The following TGM2 variants were observed in gnomAD, a reference collection of about 807,000 sequenced individuals.
The protein encoded by TGM2 is protein-glutamine gamma-glutamyltransferase 2.
Under a neutral mutation model 75.6 loss-of-function variants are expected in TGM2, and 53 were observed. The ratio of observed to expected loss-of-function variants is 0.70; its 90% CI spans 0.56 to 0.88. The LOEUF is 0.88. Ranked by LOEUF, TGM2 falls within the 40% of genes least tolerant of loss-of-function variation. TGM2 has a pLI of 0.00. For missense variants in TGM2, 842 were observed against 928.5 expected, an observed-to-expected ratio of 0.91 and a Z score of 1.21; for synonymous variants, 374 against 381.1, an observed-to-expected ratio of 0.98 and a Z score of 0.22.
At chr20:38,154,350 G>A (rs1302959440) in intron 3 of TGM2, among the ~76,000 whole-genome samples, 4 of 152,310 alleles carry the variant, frequency 2.6e-5, no homozygotes, top group East Asian at 1.9e-4. Flanking sequence ...AGGGACACCC[G>A]ATTCCCAGGA....
chr20:38,141,137 T>G (rs898280595), intron 8 of TGM2, 145 bp downstream of exon 8: 98 of 622,356 alleles, frequency 1.6e-4, no homozygotes, highest in Non-Finnish European at 2.6e-4. Context: ...GTTATTAAGA[T>G]GTAAGTGAGG....
chr20:38,161,010 G>A (rs1273117883), intron 2 of TGM2, among the ~76,000 whole-genome samples: 1 of 152,036 alleles, frequency 6.6e-6, no homozygotes, highest in Non-Finnish European at 1.5e-5. Context: ...TCTCCACGTT[G>A]GTCAGGCTGG....
chr20:38,162,090 G>A (rs1490021232), intron 1 of TGM2, among the ~76,000 whole-genome samples: 1 of 152,216 alleles, frequency 6.6e-6, no homozygotes, highest in East Asian at 1.9e-4. Context: ...CAAAGTGCAG[G>A]TGCGAGCCAC....
chr20:38,155,526 G>A (rs147015386), intron 3 of TGM2, among the ~76,000 whole-genome samples: 3 of 151,824 alleles, frequency 2.0e-5, no homozygotes, highest in Non-Finnish European at 2.9e-5. Flanking sequence ...ATTTTTTTTT[G>A]TAGAGACAGG....
intron 2 of TGM2, among the ~76,000 whole-genome samples, chr20:38,158,914 G>T (rs2075220393): frequency 6.6e-6 from 1 of 152,200 alleles, no homozygotes; most frequent in Non-Finnish European, 1.5e-5. Context: ...TGTCCCTCAG[G>T]CTTCTCCGGG....
At chr20:38,142,371 T>C (rs2074986871) in intron 6 of TGM2, among the ~76,000 whole-genome samples, 172 bp from the exon 7 acceptor site, 1 of 152,180 alleles carries the variant, frequency 6.6e-6, no homozygotes, top group Non-Finnish European at 1.5e-5. Flanking sequence ...GGTCACCCCA[T>C]GTCCATTCTA....
At position 38,127,403 on chromosome 20, in the gene TGM2, TTTTGA is replaced by T. The variant is rs1379617590; in HGVS notation, c.*2811_*2815del. ...CAGAACACGTGATGTCATGTTTTTA[TTTTGA>T]TTTATTTTTTATGTGCATGTCATGT... On this transcript the variant is annotated 3_prime_UTR_variant, in exon 13 of 13. Coordinates refer to ENST00000361475, the MANE Select transcript of TGM2 (RefSeq NM_004613.4). The T allele has an allele frequency of 2.0e-6, 2 of 983,328 alleles. No individual in the cohort carries two copies. The highest frequency in any genetic ancestry group is 3.5e-5 in the African/African-American group (2 of 57,198). 60.9% of individuals were successfully genotyped at this position (983,328 alleles called of 1,614,324 possible).
intron 6 of TGM2, among the ~76,000 whole-genome samples, chr20:38,143,460 T>C (rs2122893308): frequency 6.6e-6 from 1 of 152,320 alleles, no homozygotes; most frequent in East Asian, 1.9e-4. Context: ...GGGCCCTGCA[T>C]ACCTGCCAAC....
intron 3 of TGM2, among the ~76,000 whole-genome samples, chr20:38,155,101 C>T (rs898022550): frequency 4.0e-5 from 6 of 151,292 alleles, no homozygotes; most frequent in South Asian, 4.2e-4. Context: ...AGCAAAACTC[C>T]GTCTCAAAAA....
In TGM2 at chr20:38,161,358, T is replaced by A; in HGVS notation, c.190+62A>T. On this transcript the variant is annotated intron_variant, in intron 2 of 12. Coordinates refer to ENST00000361475, the MANE Select transcript of TGM2 (RefSeq NM_004613.4). ...TTCTCTGTCAGGGTTCTGGGGCATG[T>A]CGGGGTGGAGAGGAAGTGGTGGTGG... is the stretch of plus-strand genomic sequence containing the variant. 3 of 1,592,858 alleles carry A rather than the reference T, an allele frequency of 1.9e-6. No individual in the cohort carries two copies. In the South Asian group the frequency reaches 3.4e-5, roughly 18 times the overall value.
Position 38,154,005 on chromosome 20 carries a change from C to T in TGM2, c.433+1842G>A, listed in dbSNP as rs369827544. ...CTAATTTTTGTATTTTTTATAGAGA[C>T]GGTGGGTTTCGCCATGTTGGCCAGG... On this transcript the variant is annotated intron_variant, in intron 3 of 12. Transcript: ENST00000361475. Among the ~76,000 whole-genome samples the T allele has an allele frequency of 3.5e-4, 53 of 152,124 alleles. No homozygotes were observed. In the South Asian group the frequency reaches 9.1e-3, roughly 26 times the overall value.
intron 1 of TGM2, 137 bp from the exon 2 acceptor site, chr20:38,161,736 T>A (rs1377240395): frequency 7.7e-6 from 8 of 1,040,244 alleles, no homozygotes; most frequent in Non-Finnish European, 8.8e-6. Flanking sequence ...GACTGACCTG[T>A]CTCCCCAGCC....
At chr20:38,159,579 G>T (rs1433572450) in intron 2 of TGM2, among the ~76,000 whole-genome samples, 1 of 152,200 alleles carries the variant, frequency 6.6e-6, no homozygotes, top group African/African-American at 2.4e-5. Context: ...ATCACAGGCT[G>T]CCCAAGCCAG....
At chr20:38,143,611 C>A (rs1335696176) in intron 6 of TGM2, among the ~76,000 whole-genome samples, 2 of 147,128 alleles carry the variant, frequency 1.4e-5, no homozygotes, top group African/African-American at 5.0e-5. Flanking sequence ...GTGGATCTCA[C>A]CCACACGGCC....
chr20:38,140,521 C>A (rs1208567808), intron 8 of TGM2, among the ~76,000 whole-genome samples: 1 of 152,164 alleles, frequency 6.6e-6, no homozygotes, highest in Non-Finnish European at 1.5e-5. Context: ...ATAGCACTTT[C>A]TTCAATTGCA....
Position 38,127,445 on chromosome 20 carries a change from A to G in TGM2, c.*2774T>C. The G allele has an allele frequency of 2.3e-6, 2 of 888,598 alleles. No individual in the cohort carries two copies. The highest frequency in any genetic ancestry group is 2.7e-6 in the Non-Finnish European group (2 of 741,620). 55.0% of individuals were successfully genotyped at this position (888,598 alleles called of 1,614,324 possible). Reference sequence around the variant, plus strand: ...TGTGCATGTCATGTCTTTCTACATGACTTCCCAAGGGTGGGGACTGTCCCC... The same window carrying G: ...TGTGCATGTCATGTCTTTCTACATGGCTTCCCAAGGGTGGGGACTGTCCCC... On this transcript the variant is annotated 3_prime_UTR_variant, in exon 13 of 13. Transcript: ENST00000361475.
intron 6 of TGM2, among the ~76,000 whole-genome samples, chr20:38,143,321 C>T (rs1449755388): frequency 1.3e-5 from 2 of 152,224 alleles, no homozygotes; most frequent in Non-Finnish European, 2.9e-5. Context: ...GGCCTTGGTT[C>T]CATCTCTTTG....
At chr20:38,149,087 A>G (rs977231167) in intron 4 of TGM2, among the ~76,000 whole-genome samples, 1 of 152,216 alleles carries the variant, frequency 6.6e-6, no homozygotes, top group African/African-American at 2.4e-5. Context: ...TTCACACACA[A>G]GGTATGCCCC....
chr20:38,163,633 G>T (rs1426654610), intron 1 of TGM2, among the ~76,000 whole-genome samples: 1 of 152,008 alleles, frequency 6.6e-6, no homozygotes, highest in African/African-American at 2.4e-5. Context: ...CCACCCCTTC[G>T]CCACCATGTC....
Sources: gnomAD v4.1 joint callset for allele counts (sites outside exome capture counted in the v4.1 genomes callset) on GRCh38, gnomAD v4.1.1 for gene constraint, MANE v1.5 for transcripts, NCBI Gene and HGNC (gene_info 2026-07-23, HGNC 2026-07-21) for gene names.